CSMD3: variants seen among roughly 807,000 people sequenced by gnomAD.
CSMD3 encodes CUB and sushi domain-containing protein 3.
In CSMD3, 177 loss-of-function variants were observed where a neutral mutation model predicts 435.2. The ratio of observed to expected loss-of-function variants is 0.41; its 90% confidence interval spans 0.36 to 0.46. The LOEUF (loss-of-function observed/expected upper bound fraction) is 0.46, where lower values mean the gene tolerates loss of function less well. CSMD3 is among the 20% of genes least tolerant of loss of function. The pLI is 0.34. For synonymous variants in CSMD3, 1,656 were observed against 1,520.5 expected, an observed-to-expected ratio of 1.09 and a Z score of -2.07; for missense variants, 4,265 against 4,504.6, an observed-to-expected ratio of 0.95 and a Z score of 1.52.
At chr8:113,098,147 T>G (rs770070497) in intron 5 of CSMD3, among the ~76,000 whole-genome samples, 1 of 152,084 alleles carries the variant, frequency 6.6e-6, no homozygotes, top group Non-Finnish European at 1.5e-5. Context: ...AAAGATCCTC[T>G]CTAGTCTAGT....
intron 2 of CSMD3, among the ~76,000 whole-genome samples, chr8:113,281,340 T>G (rs1448690214): frequency 6.6e-6 from 1 of 151,992 alleles, no homozygotes; most frequent in Non-Finnish European, 1.5e-5. Context: ...TTTATAAATT[T>G]GGGACCTCCA....
chr8:113,275,659 G>C (rs1588425041), intron 3 of CSMD3, among the ~76,000 whole-genome samples: 1 of 151,964 alleles, frequency 6.6e-6, no homozygotes, highest in East Asian at 1.9e-4. Flanking sequence ...GAAATAAAAA[G>C]AAATGAGATT....
In CSMD3 at chr8:113,156,762, A is replaced by AC. The variant is rs1364846234; in HGVS notation, c.709+16959_709+16960insG. On this transcript the variant is annotated intron_variant, in intron 4 of 70. Coordinates refer to ENST00000297405, the MANE Select transcript of CSMD3 (RefSeq NM_198123.2). ...TAAATAAATAAATAAATAAATAAAT[A>AC]AATAAATAAATAAATAAAGTTAGCC... Among the ~76,000 whole-genome samples the AC allele has an allele frequency of 5.1e-3, 774 of 150,650 alleles. 10 individuals carry two copies. Among genetic ancestry groups the AC allele is most frequent in the African/African-American group, 0.018 (747 of 41,282 alleles).
chr8:112,683,269 T>C (rs2075941309), intron 15 of CSMD3, among the ~76,000 whole-genome samples: 1 of 152,026 alleles, frequency 6.6e-6, no homozygotes, highest in Non-Finnish European at 1.5e-5. Context: ...ATGAGGAAAG[T>C]ATTGCCATCT....
intron 10 of CSMD3, among the ~76,000 whole-genome samples, chr8:112,914,983 T>C (rs2082533173): frequency 6.6e-6 from 1 of 151,942 alleles, no homozygotes; most frequent in South Asian, 2.1e-4. Context: ...TATTAAGTCA[T>C]CACAGATCTT....
At chr8:112,772,307 C>G (rs191043360) in intron 13 of CSMD3, among the ~76,000 whole-genome samples, 1 of 152,040 alleles carries the variant, frequency 6.6e-6, no homozygotes, top group Non-Finnish European at 1.5e-5. Context: ...AACCCTACCC[C>G]GAACCCTGTG....
intron 4 of CSMD3, among the ~76,000 whole-genome samples, chr8:113,133,467 G>C (rs543472158): frequency 1.3e-5 from 2 of 152,096 alleles, no homozygotes; most frequent in Non-Finnish European, 2.9e-5. Context: ...TCAGAACCCT[G>C]TGCCAGTCGG....
At chr8:112,919,659 G>A (rs904534092) in intron 10 of CSMD3, among the ~76,000 whole-genome samples, 18 of 151,810 alleles carry the variant, frequency 1.2e-4, no homozygotes, top group African/African-American at 4.3e-4. Context: ...ATATCATTTT[G>A]AAGCCATGAT....
At chr8:112,390,629 T>C in intron 36 of CSMD3, 35 bp downstream of exon 36, 3 of 1,566,510 alleles carry the variant, frequency 1.9e-6, no homozygotes, top group Non-Finnish European at 2.6e-6. Context: ...ACTACACACA[T>C]ACAATGAAAA....
chr8:112,609,860 G>C (rs1833119597), intron 22 of CSMD3, among the ~76,000 whole-genome samples: 1 of 152,078 alleles, frequency 6.6e-6, no homozygotes, highest in South Asian at 2.1e-4. Flanking sequence ...AGAAAATCCT[G>C]ACTTTGCAAC....
intron 10 of CSMD3, among the ~76,000 whole-genome samples, chr8:112,882,824 C>A (rs907352187): frequency 2.0e-5 from 3 of 151,870 alleles, no homozygotes; most frequent in Admixed American, 2.0e-4. Flanking sequence ...CTTTTGATGC[C>A]CATAAACAGG....
At chr8:113,030,423 A>AAAAG (rs2087050316) in intron 5 of CSMD3, among the ~76,000 whole-genome samples, 1 of 120,862 alleles carries the variant, frequency 8.3e-6, no homozygotes, top group Non-Finnish European at 1.6e-5. Flanking sequence ...CTGGTAAAAA[A>AAAAG]AAAAAAAAAA....
intron 31 of CSMD3, among the ~76,000 whole-genome samples, chr8:112,475,580 T>C (rs1586448280): frequency 6.6e-6 from 1 of 152,098 alleles, no homozygotes; most frequent in Non-Finnish European, 1.5e-5. Flanking sequence ...GAGATACACA[T>C]CTATTGTAAT....
At chr8:113,376,766 A>T (rs1348944488) in intron 1 of CSMD3, 1 of 1,613,858 alleles carries the variant, frequency 6.2e-7, no homozygotes, top group Non-Finnish European at 8.5e-7. Context: ...CAAGCTGTAC[A>T]GGTTTCCAGC....
intron 4 of CSMD3, among the ~76,000 whole-genome samples, chr8:113,112,220 T>C (rs2090663610): frequency 6.6e-6 from 1 of 151,416 alleles, no homozygotes; most frequent in African/African-American, 2.4e-5. Context: ...TAATATTCCA[T>C]GGTATGTATG....
chr8:113,089,185 A>C (rs1010447563), intron 5 of CSMD3, among the ~76,000 whole-genome samples: 1 of 152,058 alleles, frequency 6.6e-6, no homozygotes, highest in African/African-American at 2.4e-5. Context: ...CTCCTCTTTC[A>C]ATACATAATT....
chr8:112,505,033 A>G (rs992906088), intron 29 of CSMD3, among the ~76,000 whole-genome samples: 4 of 152,140 alleles, frequency 2.6e-5, no homozygotes. Flanking sequence ...AACCCAAAGA[A>G]TTTATAGAAG....
chr8:113,107,905 T>C lies in CSMD3; in HGVS notation c.710-8942A>G, dbSNP rs533135705. Among the ~76,000 whole-genome samples the C allele has an allele frequency of 4.1e-4, 63 of 152,306 alleles. 1 individual carries two copies. In the South Asian group the frequency reaches 0.012, roughly 30 times the overall value. Reference sequence around the variant, plus strand: ...AAAACTACTATACCTACATATATAGTAGGGACTCCAAGTGAATTTATTGAA... The same window carrying C: ...AAAACTACTATACCTACATATATAGCAGGGACTCCAAGTGAATTTATTGAA... On this transcript the variant is annotated intron_variant, in intron 4 of 70. Coordinates refer to ENST00000297405, the MANE Select transcript of CSMD3 (RefSeq NM_198123.2).
At chr8:112,629,548 T>C (rs1401976985) in intron 22 of CSMD3, among the ~76,000 whole-genome samples, 3 of 152,166 alleles carry the variant, frequency 2.0e-5, no homozygotes, top group African/African-American at 4.8e-5. Context: ...TAGAAAATGG[T>C]TGGCATGTTT....
Sources: allele counts gnomAD v4.1 joint callset (sites outside exome capture counted in the v4.1 genomes callset), GRCh38; gene constraint gnomAD v4.1.1; transcripts MANE v1.5; gene names NCBI Gene and HGNC (gene_info 2026-07-23, HGNC 2026-07-21).